EML5: variants seen among roughly 807,000 people sequenced by gnomAD.
EML5 encodes the protein echinoderm microtubule-associated protein-like 5.
A neutral mutation model predicts 250.0 loss-of-function variants in EML5; 120 were observed. The observed-to-expected ratio is 0.48, with a 90% CI of 0.41 to 0.56. The LOEUF (loss-of-function observed/expected upper bound fraction) is 0.56, where lower values mean the gene tolerates loss of function less well. Ranked by LOEUF, EML5 falls within the 20% of genes least tolerant of loss-of-function variation. The pLI is 0.00. For missense variants in EML5, 2,006 were observed against 2,437.6 expected, an observed-to-expected ratio of 0.82 and a Z score of 3.73; for synonymous variants, 771 against 806.5, an observed-to-expected ratio of 0.96 and a Z score of 0.75.
intron 35 of EML5, chr14:88,625,378 C>T (rs918047208): frequency 9.7e-6 from 4 of 414,066 alleles, no homozygotes; most frequent in African/African-American, 8.2e-5. Flanking sequence ...CCTTCCAATT[C>T]TAACATACTA....
At position 88,612,762 on chromosome 14, in the gene EML5, T is replaced by C. The variant is rs1429913744; in HGVS notation, c.*3056A>G. On this transcript the variant is annotated 3_prime_UTR_variant, in exon 44 of 44. Coordinates refer to ENST00000554922, the MANE Select transcript of EML5 (RefSeq NM_183387.3). ...CTGCAAGATAGATAGGATGAAACTT[T>C]TGGCCTACTGTATTACTTACAGAGT... The C allele has an allele frequency of 6.6e-6, 1 of 152,610 alleles. No homozygotes were observed. Among genetic ancestry groups the C allele is most frequent in the Non-Finnish European group, 1.5e-5 (1 of 68,034 alleles). 9.5% of individuals were successfully genotyped at this position (152,610 alleles called of 1,614,324 possible).
intron 31 of EML5, among the ~76,000 whole-genome samples, 170 bp from the exon 32 acceptor site, chr14:88,639,077 T>A (rs1401343657): frequency 1.3e-5 from 2 of 152,226 alleles, no homozygotes; most frequent in Admixed American, 1.3e-4. Flanking sequence ...TTCAGAATTA[T>A]GTAATGGGAT....
chr14:88,733,713 T>C (rs35893211), intron 7 of EML5, among the ~76,000 whole-genome samples: 1 of 152,108 alleles, frequency 6.6e-6, no homozygotes, highest in Non-Finnish European at 1.5e-5. Flanking sequence ...GTAAATGGCA[T>C]GACTGATTAG....
In EML5 at chr14:88,616,140, A is replaced by C; in HGVS notation, c.5897+2T>G. On this transcript the variant is annotated splice_donor_variant, in intron 43 of 43. Coordinates refer to ENST00000554922, the MANE Select transcript of EML5 (RefSeq NM_183387.3). LOFTEE classifies it high-confidence loss of function. ...TCTTCATGGGCTGAGAAAGTTACTA[A>C]CCTGCAGTCATCACCTCCAGCACTA... 1 of 1,613,684 alleles carries C rather than the reference A, an allele frequency of 6.2e-7. No homozygotes were observed. The highest frequency in any genetic ancestry group is 8.5e-7 in the Non-Finnish European group (1 of 1,179,648).
intron 37 of EML5, chr14:88,621,876 A>T (rs1231910401): frequency 4.4e-6 from 2 of 456,446 alleles, no homozygotes; most frequent in Admixed American, 4.7e-5. Flanking sequence ...TTTGTGATGG[A>T]AACTTTCAAA....
intron 21 of EML5, among the ~76,000 whole-genome samples, chr14:88,681,387 G>C (rs1282862085): frequency 6.6e-6 from 1 of 152,218 alleles, no homozygotes; most frequent in African/African-American, 2.4e-5. Context: ...GAGGTGGGCA[G>C]ATCATGAGGT....
chr14:88,683,280 G>A (rs1375167321), intron 20 of EML5, among the ~76,000 whole-genome samples: 2 of 152,146 alleles, frequency 1.3e-5, no homozygotes, highest in African/African-American at 4.8e-5. Context: ...GAGCCTGCCT[G>A]GAGTCAGAAA....
In EML5 at chr14:88,792,590, G is replaced by C. The variant is rs1262219614; in HGVS notation, c.-87C>G. The C allele has an allele frequency of 4.9e-5, 59 of 1,191,920 alleles. No homozygotes were observed. Among genetic ancestry groups the C allele is most frequent in the Non-Finnish European group, 5.9e-5 (57 of 961,218 alleles). The allele number at this position is 1,191,920 out of a possible 1,614,324, so 73.8% of individuals were successfully genotyped here. A position where few individuals can be genotyped will look rare whatever the true frequency, so the allele number is the denominator to read the frequency against. The stretch of plus-strand genomic sequence containing the variant: ...CCCGGCAACGAAAGCCCTCCCGCTG[G>C]CTGCCGGGACTTCCCGCCAGCCGCG... On this transcript the variant is annotated 5_prime_UTR_variant, in exon 1 of 44. Transcript: ENST00000554922. The surrounding 1 kb of genome is among the most constrained non-coding windows in gnomAD (Gnocchi z 6.9).
rs772309596 is a variant in EML5 at position 88,740,491 on chromosome 14, G to A, written c.607C>T (p.Leu203=). Residue 203 remains leucine, a synonymous_variant, in exon 5 of 44, where the codon CTA becomes TTA. Transcript: ENST00000554922. Reference sequence around the variant, plus strand: ...GTTAATTCATCCCTTGCACAGGCTAGGCACAGTATTGTCTGAAGGTCACCC... The same window carrying A: ...GTTAATTCATCCCTTGCACAGGCTAAGCACAGTATTGTCTGAAGGTCACCC... ...KTGDLQTILC[L]ACARDELTYS... 1.4e-5 allele frequency: 22 copies of A among 1,613,774 alleles called. No individual in the cohort carries two copies. Among genetic ancestry groups the A allele is most frequent in the Non-Finnish European group, 1.9e-5 (22 of 1,179,796 alleles).
At position 88,613,207 on chromosome 14, in the gene EML5, AAGAC is replaced by A. The variant is rs2087082915; in HGVS notation, c.*2607_*2610del. On this transcript the variant is annotated 3_prime_UTR_variant, in exon 44 of 44. Transcript: ENST00000554922. ...AAGGCTTGAAACACGAGAAGCAGCA[AAGAC>A]AGAGCACACAAGTGCATAAGGCTGT... 1 of 152,194 alleles carries A rather than the reference AAGAC, an allele frequency of 6.6e-6. No homozygotes were observed. The highest frequency in any genetic ancestry group is 2.1e-4 in the South Asian group (1 of 4,832). The allele number at this position is 152,194 out of a possible 1,614,324, so 9.4% of individuals were successfully genotyped here.
chr14:88,781,675 G>T (rs1280938118), intron 1 of EML5, among the ~76,000 whole-genome samples: 1 of 152,168 alleles, frequency 6.6e-6, no homozygotes, highest in Non-Finnish European at 1.5e-5. Flanking sequence ...TCTCATGATA[G>T]TGAGTTCCCA....
intron 20 of EML5, among the ~76,000 whole-genome samples, chr14:88,682,421 C>G (rs77226675): frequency 6.7e-6 from 1 of 148,166 alleles, no homozygotes; most frequent in Non-Finnish European, 1.5e-5. Context: ...AAAAAAAAAA[C>G]GCAAGCATTT....
At chr14:88,704,120 T>C (rs1253708812) in intron 13 of EML5, among the ~76,000 whole-genome samples, 2 of 152,082 alleles carry the variant, frequency 1.3e-5, no homozygotes, top group Non-Finnish European at 2.9e-5. Flanking sequence ...TTAGGCCTGG[T>C]GGGAAGTGTT....
intron 2 of EML5, among the ~76,000 whole-genome samples, chr14:88,749,956 G>A (rs544430780): frequency 6.6e-6 from 1 of 152,256 alleles, no homozygotes; most frequent in South Asian, 2.1e-4. Flanking sequence ...CAACTCTCAA[G>A]CCAAATCCTG....
Position 88,688,351 on chromosome 14 carries a change from A to T in EML5, c.2662T>A (p.Cys888Ser). Residue 888 changes from cysteine (C) to serine (S), a missense_variant, in exon 18 of 44, where the codon TGT becomes AGT. This residue lies in a region of EML5 where 1,375 missense variants were observed against 1,590.3 expected (regional missense o/e 0.86). Transcript: ENST00000554922. ...AFSGTSTGDV[C>S]IWRDIFLVKT... Reference sequence around the variant, plus strand: ...ACAAGAAAGATGTCTCTCCAGATACACACATCTCCTGTGGATGTTCCAGAA... The same window carrying T: ...ACAAGAAAGATGTCTCTCCAGATACTCACATCTCCTGTGGATGTTCCAGAA... The T allele has an allele frequency of 6.2e-7, 1 of 1,614,004 alleles. No homozygotes were observed. Among genetic ancestry groups the T allele is most frequent in the Non-Finnish European group, 8.5e-7 (1 of 1,179,896 alleles).
intron 13 of EML5, 65 bp downstream of exon 13, chr14:88,704,795 A>G: frequency 8.7e-7 from 1 of 1,154,286 alleles, no homozygotes; most frequent in Non-Finnish European, 1.3e-6. Flanking sequence ...CTATCATTAG[A>G]GATGTTAAGC....
At chr14:88,634,365 T>TA (rs1183503615) in intron 33 of EML5, 104 bp downstream of exon 33, 2 of 726,820 alleles carry the variant, frequency 2.8e-6, no homozygotes, top group Non-Finnish European at 2.2e-6. Flanking sequence ...CCCAGTTCTT[T>TA]AATAGTAATG....
At chr14:88,745,167 T>G (rs74789590) in intron 3 of EML5, among the ~76,000 whole-genome samples, 2 of 145,182 alleles carry the variant, frequency 1.4e-5, no homozygotes, top group Admixed American at 6.9e-5. Context: ...AATTGTGTGT[T>G]TGTGTGTGTG....
At chr14:88,618,134 A>G (rs2140259950) in intron 41 of EML5, 94 bp downstream of exon 41, 2 of 989,740 alleles carry the variant, frequency 2.0e-6, no homozygotes, top group South Asian at 1.6e-5. Flanking sequence ...CTCAATTACT[A>G]TTCCTTATTG....
Sources: gnomAD v4.1 joint callset for allele counts (sites outside exome capture counted in the v4.1 genomes callset) on GRCh38, gnomAD v4.1.1 for gene constraint, gnomAD v4.1.1 regional missense constraint, Gnocchi (gnomAD v3.1) non-coding constraint, MANE v1.5 for transcripts, NCBI Gene and HGNC (gene_info 2026-07-23, HGNC 2026-07-21) for gene names.